The following DSCAML1 variants were observed in gnomAD, a reference collection of about 807,000 sequenced individuals.
The protein encoded by DSCAML1 is DS cell adhesion molecule like 1, also known as cell adhesion molecule DSCAML1.
In DSCAML1, 38 loss-of-function variants were observed where a neutral mutation model predicts 200.5. The ratio of observed to expected loss-of-function variants is 0.19; its 90% CI spans 0.15 to 0.25. DSCAML1 has a LOEUF of 0.25. DSCAML1 is among the 10% of genes least tolerant of loss of function. The pLI, the probability that DSCAML1 is intolerant of heterozygous loss-of-function variation, is 1.00. For missense variants in DSCAML1, 2,223 were observed against 2,858.8 expected (o/e 0.78, Z 5.07); for synonymous variants, 1,215 against 1,165.0 (o/e 1.04, Z -0.87).
At position 117,428,490 on chromosome 11, in the gene DSCAML1, G is replaced by C; in HGVS notation, c.6000C>G (p.Ser2000Arg). The change falls in exon 33 of 33, where the codon AGC becomes AGG. Residue 2000 changes from serine to arginine, a missense_variant. By Grantham distance (110) the Ser-to-Arg change is moderately radical. Transcript: ENST00000651296. ...CGGTGCTGGGGGCCGGAGGGGCAGCGCTGGGGGCGGTGGGTGGCTCAGCAG... is the reference window on the plus strand; with the variant it reads ...CGGTGCTGGGGGCCGGAGGGGCAGCCCTGGGGGCGGTGGGTGGCTCAGCAG... ...PTPAEPPTAP[S>R]AAPPAPSTEP... The C allele has an allele frequency of 1.3e-6, 2 of 1,534,896 alleles. No homozygotes were observed. Among genetic ancestry groups the C allele is most frequent in the South Asian group, 1.2e-5 (1 of 80,220 alleles).
chr11:117,745,162 G>C (rs11216524), intron 3 of DSCAML1, among the ~76,000 whole-genome samples: 16,159 of 151,492 alleles, frequency 0.11, 1,818 homozygotes, highest in African/African-American at 0.28. Context: ...TCATCTGGGT[G>C]GGGGGGATGA....
chr11:117,450,109 G>A (rs911986913), intron 20 of DSCAML1, among the ~76,000 whole-genome samples: 9 of 152,178 alleles, frequency 5.9e-5, no homozygotes, highest in African/African-American at 2.2e-4. Flanking sequence ...TCCTCCCTCA[G>A]CTTGCTCCAT....
Position 117,438,902 on chromosome 11 carries a change from C to A in DSCAML1, c.4226G>T (p.Gly1409Val). ...ITLTWIPGDN[G>V]GSSIRGFVLQ... The stretch of plus-strand genomic sequence containing the variant: ...CTCCTCACCTCGGATGGAGCTGCCC[C>A]CATTGTCACCTGGAATCCAGGTCAG... The change falls in exon 24 of 33, where the codon GGG becomes GTG. Residue 1409 changes from glycine (G) to valine (V), a missense_variant. Transcript: ENST00000651296. 6.2e-7 allele frequency: 1 copy of A among 1,604,194 alleles called. No individual in the cohort carries two copies. Among genetic ancestry groups the A allele is most frequent in the South Asian group, 1.1e-5 (1 of 89,222 alleles).
At chr11:117,678,231 GC>G (rs1196910577) in intron 3 of DSCAML1, among the ~76,000 whole-genome samples, 2 of 152,202 alleles carry the variant, frequency 1.3e-5, no homozygotes, top group African/African-American at 4.8e-5. Context: ...AGGAGAGATA[GC>G]CCCCATTTTT....
intron 3 of DSCAML1, among the ~76,000 whole-genome samples, chr11:117,729,276 T>G (rs1030068365): frequency 6.6e-5 from 10 of 152,202 alleles, no homozygotes; most frequent in African/African-American, 2.4e-4. Context: ...TAACTCAATA[T>G]GTATCAAAGA....
At chr11:117,712,890 G>T (rs1355012759) in intron 3 of DSCAML1, among the ~76,000 whole-genome samples, 1 of 151,966 alleles carries the variant, frequency 6.6e-6, no homozygotes, top group Non-Finnish European at 1.5e-5. Flanking sequence ...CCTTTCTGGG[G>T]CTGAGTGAGT....
intron 1 of DSCAML1, among the ~76,000 whole-genome samples, chr11:117,804,827 G>A (rs1215933068): frequency 6.6e-6 from 1 of 152,180 alleles, no homozygotes; most frequent in African/African-American, 2.4e-5. Context: ...CTACTCGGGA[G>A]GTTGAGGTGG....
chr11:117,515,200 C>A (rs1322953518), intron 8 of DSCAML1, among the ~76,000 whole-genome samples: 1 of 152,232 alleles, frequency 6.6e-6, no homozygotes, highest in Non-Finnish European at 1.5e-5. Flanking sequence ...CCTCCCCAGG[C>A]CTGAGCCCAT....
At chr11:117,696,677 G>T (rs2053591892) in intron 3 of DSCAML1, among the ~76,000 whole-genome samples, 1 of 152,128 alleles carries the variant, frequency 6.6e-6, no homozygotes, top group African/African-American at 2.4e-5. Context: ...TGCTTCCCCA[G>T]TGCTTAGCAG....
intron 3 of DSCAML1, among the ~76,000 whole-genome samples, chr11:117,641,274 C>A (rs2052400969): frequency 6.6e-6 from 1 of 152,224 alleles, no homozygotes; most frequent in South Asian, 2.1e-4. Flanking sequence ...AATGATGGAG[C>A]CTCATCACTC....
At chr11:117,789,667 G>A (rs2055424289) in intron 1 of DSCAML1, among the ~76,000 whole-genome samples, 1 of 152,166 alleles carries the variant, frequency 6.6e-6, no homozygotes, top group Non-Finnish European at 1.5e-5. Context: ...CGTGTCCAGA[G>A]CAGGGGCCTC....
intron 3 of DSCAML1, among the ~76,000 whole-genome samples, chr11:117,761,002 A>T (rs1426007025): frequency 1.3e-5 from 2 of 152,212 alleles, no homozygotes; most frequent in Non-Finnish European, 2.9e-5. Context: ...AGACTGTTAG[A>T]AAAATGATCC....
At chr11:117,524,320 C>T (rs1218768475) in intron 5 of DSCAML1, among the ~76,000 whole-genome samples, 1 of 152,222 alleles carries the variant, frequency 6.6e-6, no homozygotes, top group East Asian at 1.9e-4. Context: ...ATCAGTGCCC[C>T]TATCAATGAT....
intron 3 of DSCAML1, among the ~76,000 whole-genome samples, chr11:117,765,366 G>C (rs1195766082): frequency 6.6e-6 from 1 of 152,182 alleles, no homozygotes; most frequent in East Asian, 1.9e-4. Flanking sequence ...GGCCTTAGGG[G>C]GTAACATTAA....
At chr11:117,563,921 G>A (rs946694205) in intron 3 of DSCAML1, among the ~76,000 whole-genome samples, 4 of 152,192 alleles carry the variant, frequency 2.6e-5, no homozygotes, top group Non-Finnish European at 5.9e-5. Flanking sequence ...GGGCTTCTCT[G>A]CATCTGTGAC....
chr11:117,505,808 T>C lies in DSCAML1; in HGVS notation c.1784-76A>G, dbSNP rs889116592. The C allele has an allele frequency of 6.6e-7, 1 of 1,516,590 alleles. No homozygotes were observed. The highest frequency in any genetic ancestry group is 8.8e-7 in the Non-Finnish European group (1 of 1,131,342). 93.9% of individuals were successfully genotyped at this position (1,516,590 alleles called of 1,614,324 possible). A position where few individuals can be genotyped will look rare whatever the true frequency, so the allele number is the denominator to read the frequency against. ...GCCGCCAACGCCGCCTCACCTGCCTTACCTGGGGCTCTGGGTTGGGCCTTG... is the reference window on the plus strand; with the variant it reads ...GCCGCCAACGCCGCCTCACCTGCCTCACCTGGGGCTCTGGGTTGGGCCTTG... On this transcript the variant is annotated intron_variant, in intron 8 of 32. Coordinates refer to ENST00000651296, the MANE Select transcript of DSCAML1 (RefSeq NM_020693.4). The surrounding 1 kb of genome is among the most constrained non-coding windows in gnomAD (Gnocchi z 6.7).
intron 3 of DSCAML1, among the ~76,000 whole-genome samples, chr11:117,543,122 G>A (rs1476599415): frequency 1.3e-5 from 2 of 152,236 alleles, no homozygotes; most frequent in Non-Finnish European, 1.5e-5. Flanking sequence ...GAATGAAAGA[G>A]TGGATGAATG....
At chr11:117,618,764 G>A (rs961677488) in intron 3 of DSCAML1, among the ~76,000 whole-genome samples, 1 of 152,128 alleles carries the variant, frequency 6.6e-6, no homozygotes, top group Non-Finnish European at 1.5e-5. Flanking sequence ...CATTTCAGTG[G>A]GCCAAGGAGA....
intron 3 of DSCAML1, among the ~76,000 whole-genome samples, chr11:117,593,740 C>G (rs1467285692): frequency 7.1e-6 from 1 of 140,774 alleles, no homozygotes; most frequent in Non-Finnish European, 1.5e-5. Context: ...GAGATGGAGT[C>G]TTGCTCTGTT....
Sources: allele counts gnomAD v4.1 joint callset (sites outside exome capture counted in the v4.1 genomes callset), GRCh38; gene constraint gnomAD v4.1.1; non-coding constraint Gnocchi (gnomAD v3.1); transcripts MANE v1.5; gene names NCBI Gene and HGNC (gene_info 2026-07-23, HGNC 2026-07-21).